The following RNF144B variants were observed in gnomAD, a reference collection of about 807,000 sequenced individuals.
RNF144B encodes the protein E3 ubiquitin-protein ligase RNF144B.
A neutral mutation model predicts 40.2 loss-of-function variants in RNF144B; 25 were observed. The ratio of observed to expected loss-of-function variants is 0.62; its 90% CI spans 0.45 to 0.87. The LOEUF (loss-of-function observed/expected upper bound fraction) is 0.87, where lower values mean the gene tolerates loss of function less well. Ranked by LOEUF, RNF144B falls within the 40% of genes least tolerant of loss-of-function variation. The probability of loss-of-function intolerance (pLI) is 0.00; values close to 1 mark genes in which losing one functional copy is unlikely to be tolerated. For synonymous variants in RNF144B, 145 were observed against 136.3 expected (o/e 1.06, Z -0.44); for missense variants, 365 against 373.7 (o/e 0.98, Z 0.19).
Position 18,427,679 on chromosome 6 carries a change from A to T in RNF144B, c.264A>T (p.Glu88Asp). The T allele has an allele frequency of 1.2e-6, 2 of 1,602,218 alleles. No individual in the cohort carries two copies. Among genetic ancestry groups the T allele is most frequent in the Non-Finnish European group, 1.7e-6 (2 of 1,169,384 alleles). ...MVCLNHGTLQ[E>D]AEIACLVPVD... is the part of the protein sequence containing the mutation. The stretch of plus-strand genomic sequence containing the variant: ...GCCTAAACCACGGGACCCTGCAGGA[A>T]GCTGAGGTATGAATGACTACCATCA... The change falls in exon 3 of 8, where the codon GAA (glutamate) becomes GAT (aspartate). Residue 88 changes from glutamate (E) to aspartate (D), a missense_variant. Physicochemically the swap from Glu to Asp is conservative, Grantham distance 45. Transcript: ENST00000259939.
At position 18,456,844 on chromosome 6, in the gene RNF144B, C is replaced by T. The variant is rs1200384742; in HGVS notation, c.332-311C>T. ...TTGGGAGGCCAAGGTAGGCAGATCA[C>T]CTGGGGTCAGGAATTCGAGATCAGC... On this transcript the variant is annotated intron_variant, in intron 4 of 7. Coordinates refer to ENST00000259939, the MANE Select transcript of RNF144B (RefSeq NM_182757.4). This position sits in a 1 kb window ranked among gnomAD's most constrained non-coding sequence, Gnocchi z 4.7. 4.6e-5 allele frequency among the ~76,000 whole-genome samples: 7 copies of T among 152,132 alleles called. No individual in the cohort carries two copies. Among genetic ancestry groups the T allele is most frequent in the Non-Finnish European group, 8.8e-5 (6 of 68,024 alleles).
intron 1 of RNF144B, among the ~76,000 whole-genome samples, chr6:18,387,987 C>A (rs1310614232): frequency 6.6e-6 from 1 of 152,120 alleles, no homozygotes; most frequent in East Asian, 1.9e-4. Flanking sequence ...CAGGTAATTG[C>A]TAATGAAACA....
chr6:18,407,964 C>A (rs890099998), intron 2 of RNF144B, among the ~76,000 whole-genome samples: 1 of 74,800 alleles, frequency 1.3e-5, no homozygotes, highest in Non-Finnish European at 3.1e-5. Flanking sequence ...TGGAATTTTT[C>A]TTTTTCTTTC....
chr6:18,404,261 C>G (rs535820358), intron 2 of RNF144B, among the ~76,000 whole-genome samples: 109 of 152,328 alleles, frequency 7.2e-4, no homozygotes, highest in Middle Eastern at 3.4e-3. Context: ...ATTTCTACCT[C>G]TGTTTCTCCC....
intron 3 of RNF144B, among the ~76,000 whole-genome samples, chr6:18,432,488 A>G (rs377677354): frequency 2.2e-4 from 33 of 152,236 alleles, no homozygotes; most frequent in Non-Finnish European, 4.6e-4. Context: ...TTGATCTTGT[A>G]ATCATGTCCA....
chr6:18,409,561 C>CTTTTTTTTTTTT (rs70974741), intron 2 of RNF144B, among the ~76,000 whole-genome samples: 1 of 93,260 alleles, frequency 1.1e-5, no homozygotes, highest in East Asian at 3.9e-4. Context: ...CTTGCATAAC[C>CTTTTTTTTTTTT]TTTTTTTTTT....
intron 4 of RNF144B, among the ~76,000 whole-genome samples, chr6:18,453,889 G>A (rs1187126500): frequency 6.6e-6 from 1 of 152,142 alleles, no homozygotes; most frequent in African/African-American, 2.4e-5. Context: ...GATGCTTTCA[G>A]CTGCAAGGAA....
intron 3 of RNF144B, among the ~76,000 whole-genome samples, chr6:18,439,291 A>G (rs1423955004): frequency 6.6e-6 from 1 of 152,190 alleles, no homozygotes; most frequent in African/African-American, 2.4e-5. Context: ...GTTTTTCAGG[A>G]TTCCAAAGCT....
intron 3 of RNF144B, among the ~76,000 whole-genome samples, chr6:18,430,659 T>C (rs1262203898): frequency 3.8e-5 from 1 of 26,208 alleles, no homozygotes; most frequent in Non-Finnish European, 1.1e-4. Flanking sequence ...AATTTTTAAT[T>C]TTTTTTTTTT....
chr6:18,423,267 A>G (rs1447221064), intron 2 of RNF144B, among the ~76,000 whole-genome samples: 1 of 152,184 alleles, frequency 6.6e-6, no homozygotes, highest in South Asian at 2.1e-4. Context: ...GACTGGCTCA[A>G]GATGTAGAGG....
In RNF144B at chr6:18,405,319, A is replaced by G. The variant is rs2147214; in HGVS notation, c.165+5620A>G. ...CTCCGGAGTAGCTGGGATTACAGGC[A>G]TGTGCCACCAGGCCTGACTAATTTT... On this transcript the variant is annotated intron_variant, in intron 2 of 7. Transcript: ENST00000259939. This position sits in a 1 kb window ranked among gnomAD's most constrained non-coding sequence, Gnocchi z 4.5. 0.63 allele frequency among the ~76,000 whole-genome samples: 96,072 copies of G among 151,620 alleles called. 30,705 individuals carry two copies. Among genetic ancestry groups the G allele is most frequent in the Middle Eastern group, 0.69 (202 of 294 alleles).
rs1759030795 is a variant in RNF144B, at chr6:18,444,277, G to A, written c.331+4533G>A. Among the ~76,000 whole-genome samples, 1 of 152,126 alleles carries A rather than the reference G, an allele frequency of 6.6e-6. No individual in the cohort carries two copies. Among genetic ancestry groups the A allele is most frequent in the African/African-American group, 2.4e-5 (1 of 41,432 alleles). ...CCCATCTGTGACTTTTTGTCTGGCT[G>A]CCACTATGTTTCTGGCTTTCTCTTT... On this transcript the variant is annotated intron_variant, in intron 4 of 7. Coordinates refer to ENST00000259939, the MANE Select transcript of RNF144B (RefSeq NM_182757.4). This position sits in a 1 kb window ranked among gnomAD's most constrained non-coding sequence, Gnocchi z 4.3.
chr6:18,416,437 A>G lies in RNF144B; in HGVS notation c.166-11144A>G, dbSNP rs1795150248. On this transcript the variant is annotated intron_variant, in intron 2 of 7. Coordinates refer to ENST00000259939, the MANE Select transcript of RNF144B (RefSeq NM_182757.4). This position sits in a 1 kb window ranked among gnomAD's most constrained non-coding sequence, Gnocchi z 5.5. ...CAGCATTTCCAATGGGTTTCTCTTC[A>G]GAGCTATTTCTGTCATAGAGTTTCT... 6.6e-6 allele frequency among the ~76,000 whole-genome samples: 1 copy of G among 152,178 alleles called. No homozygotes were observed. The highest frequency in any genetic ancestry group is 1.5e-5 in the Non-Finnish European group (1 of 68,028).
In RNF144B at chr6:18,467,905, T is replaced by A. The variant is rs1395211481; in HGVS notation, c.*2838T>A. 6.6e-6 allele frequency: 1 copy of A among 152,228 alleles called. No homozygotes were observed. Among genetic ancestry groups the A allele is most frequent in the Non-Finnish European group, 1.5e-5 (1 of 68,078 alleles). 9.4% of individuals were successfully genotyped at this position (152,228 alleles called of 1,614,324 possible). A position where few individuals can be genotyped will look rare whatever the true frequency, so the allele number is the denominator to read the frequency against. On this transcript the variant is annotated 3_prime_UTR_variant, in exon 8 of 8. Coordinates refer to ENST00000259939, the MANE Select transcript of RNF144B (RefSeq NM_182757.4). ...ATCCACCCACCTTGGGCTCCCAAAG[T>A]GTTGGGATTACAGGTGTGTGTCACT...
chr6:18,427,695 ACTAC>A lies in RNF144B; in HGVS notation c.270+12_270+15del. ...CCTGCAGGAAGCTGAGGTATGAATGACTACCATCATCTTCCCCTCTTTCCTATTT... is the reference window on the plus strand; with the variant it reads ...CCTGCAGGAAGCTGAGGTATGAATGACATCATCTTCCCCTCTTTCCTATTT... On this transcript the variant is annotated intron_variant, in intron 3 of 7. Transcript: ENST00000259939. The A allele has an allele frequency of 6.7e-7, 1 of 1,495,984 alleles. No individual in the cohort carries two copies. Among genetic ancestry groups the A allele is most frequent in the South Asian group, 1.1e-5 (1 of 88,282 alleles). The allele number at this position is 1,495,984 out of a possible 1,614,324, so 92.7% of individuals were successfully genotyped here. A position where few individuals can be genotyped will look rare whatever the true frequency, so the allele number is the denominator to read the frequency against.
At chr6:18,424,041 A>G (rs931050579) in intron 2 of RNF144B, among the ~76,000 whole-genome samples, 2 of 152,144 alleles carry the variant, frequency 1.3e-5, no homozygotes, top group Admixed American at 6.5e-5. Flanking sequence ...TTATTTTGCC[A>G]TTGTTGCATT....
chr6:18,423,728 G>A (rs1057263718), intron 2 of RNF144B, among the ~76,000 whole-genome samples: 1 of 151,948 alleles, frequency 6.6e-6, no homozygotes, highest in African/African-American at 2.4e-5. Flanking sequence ...GATCCCATAT[G>A]AATCCTTAAA....
intron 4 of RNF144B, among the ~76,000 whole-genome samples, chr6:18,449,447 T>C (rs1043838537): frequency 3.3e-5 from 5 of 152,170 alleles, no homozygotes; most frequent in Non-Finnish European, 7.4e-5. Context: ...ACATTTTTAT[T>C]TCACAAAAAT....
At position 18,460,674 on chromosome 6, in the gene RNF144B, T is replaced by C. The variant is rs1047373435; in HGVS notation, c.681+923T>C. On this transcript the variant is annotated intron_variant, in intron 6 of 7. Coordinates refer to ENST00000259939, the MANE Select transcript of RNF144B (RefSeq NM_182757.4). The surrounding 1 kb of genome is among the most constrained non-coding windows in gnomAD (Gnocchi z 4.4). The stretch of plus-strand genomic sequence containing the variant: ...AGCATGCAGCAGTATCGCTACTGTT[T>C]TGACAGTGTTCCCTTCCCAGATCAA... 7.2e-5 allele frequency among the ~76,000 whole-genome samples: 11 copies of C among 152,318 alleles called. No individual in the cohort carries two copies. The South Asian group carries it at 1.5e-3, about 20-fold the overall frequency.
Sources: gnomAD v4.1 joint callset for allele counts (sites outside exome capture counted in the v4.1 genomes callset) on GRCh38, gnomAD v4.1.1 for gene constraint, Gnocchi (gnomAD v3.1) non-coding constraint, MANE v1.5 for transcripts, NCBI Gene and HGNC (gene_info 2026-07-23, HGNC 2026-07-21) for gene names.